PRKCQ: variants seen among roughly 807,000 people sequenced by gnomAD.
The protein encoded by PRKCQ is protein kinase C theta type.
Under a neutral mutation model 91.2 loss-of-function variants are expected in PRKCQ, and 41 were observed. The ratio of observed to expected loss-of-function variants is 0.45; its 90% CI spans 0.35 to 0.58. The LOEUF is 0.58. PRKCQ is among the 20% of genes least tolerant of loss of function. PRKCQ has a pLI of 0.00. For missense variants in PRKCQ, 673 were observed against 896.5 expected, an observed-to-expected ratio of 0.75 and a Z score of 3.18; for synonymous variants, 307 against 316.9, an observed-to-expected ratio of 0.97 and a Z score of 0.33.
At chr10:6,580,382 C>T (rs1284180940), upstream of PRKCQ, 8 of 151,554 alleles carry the variant, frequency 5.3e-5, no homozygotes, top group Admixed American at 1.3e-4. Flanking sequence ...GGGGCGCTCG[C>T]CAGCCTCCCC....
rs776057983 is a variant in PRKCQ, at chr10:6,511,211, A to T, written c.119-17T>A. The T allele has an allele frequency of 6.8e-6, 11 of 1,610,716 alleles. No homozygotes were observed. The African/African-American group carries it at 1.1e-4, about 16-fold the overall frequency. On this transcript the variant is annotated splice_polypyrimidine_tract_variant and intron_variant, in intron 2 of 17. Transcript: ENST00000263125. ...GCCCGTTCTCTAGGAACAGAAACGT[A>T]AGGTCTCATTATTCCTTCAGCCAGG...
chr10:6,541,986 T>C (rs1839791556), intron 1 of PRKCQ, among the ~76,000 whole-genome samples: 1 of 152,224 alleles, frequency 6.6e-6, no homozygotes, highest in African/African-American at 2.4e-5. Context: ...AATTCTGCGC[T>C]ATTTAAGTTT....
At chr10:6,476,444 T>G (rs900485008) in intron 12 of PRKCQ, among the ~76,000 whole-genome samples, 1 of 152,150 alleles carries the variant, frequency 6.6e-6, no homozygotes, top group African/African-American at 2.4e-5. Context: ...TCAGTTATAA[T>G]CCTACCTCCC....
chr10:6,533,385 C>T (rs936398394), intron 1 of PRKCQ, among the ~76,000 whole-genome samples: 16 of 152,080 alleles, frequency 1.1e-4, no homozygotes, highest in Non-Finnish European at 2.1e-4. Flanking sequence ...TTAGTGGAGA[C>T]GGGGTTTCAC....
At chr10:6,437,797 G>A (rs933900645) in intron 16 of PRKCQ, among the ~76,000 whole-genome samples, 10 of 151,420 alleles carry the variant, frequency 6.6e-5, no homozygotes, top group African/African-American at 1.5e-4. Flanking sequence ...GACCACAGGC[G>A]CCCGCCACAA....
At chr10:6,469,310 C>G (rs1564326164) in intron 12 of PRKCQ, among the ~76,000 whole-genome samples, 1 of 152,150 alleles carries the variant, frequency 6.6e-6, no homozygotes, top group African/African-American at 2.4e-5. Context: ...AAATTCTGCA[C>G]CAGTTAATTG....
At position 6,465,585 on chromosome 10, in the gene PRKCQ, A is replaced by G. The variant is rs567376490; in HGVS notation, c.1354-1181T>C. Among the ~76,000 whole-genome samples, 1 of 152,372 alleles carries G rather than the reference A, an allele frequency of 6.6e-6. No homozygotes were observed. Among genetic ancestry groups the G allele is most frequent in the Admixed American group, 6.5e-5 (1 of 15,304 alleles). The stretch of plus-strand genomic sequence containing the variant: ...GTGAGGACCTTCGGTGCGTCTGGGC[A>G]TGAATTTGCATCTGAAAGTCTCACC... On this transcript the variant is annotated intron_variant, in intron 12 of 17. Transcript: ENST00000263125. The surrounding 1 kb of genome is among the most constrained non-coding windows in gnomAD (Gnocchi z 4.4).
At chr10:6,572,761 C>G (rs572342361) in intron 1 of PRKCQ, among the ~76,000 whole-genome samples, 11 of 152,164 alleles carry the variant, frequency 7.2e-5, no homozygotes, top group African/African-American at 2.4e-4. Context: ...AACAGGAGTG[C>G]TGAGTCAAAC....
chr10:6,440,908 A>G (rs1183282490), intron 16 of PRKCQ, among the ~76,000 whole-genome samples: 1 of 152,168 alleles, frequency 6.6e-6, no homozygotes, highest in Non-Finnish European at 1.5e-5. Flanking sequence ...GAATCGCTTT[A>G]ACCTGGGAGG....
At position 6,485,206 on chromosome 10, in the gene PRKCQ, A is replaced by G; in HGVS notation, c.964T>C (p.Cys322Arg). ...REGPVEIGLP[C>R]SIKNEARPPC... is the part of the protein sequence containing the mutation. Reference sequence around the variant, plus strand: ...GGCCTTGCTTCATTTTTGATGGAGCATGGGAGACCAATTTCAACCGGACCT... The same window carrying G: ...GGCCTTGCTTCATTTTTGATGGAGCGTGGGAGACCAATTTCAACCGGACCT... The change falls in exon 10 of 18, where the codon TGC becomes CGC. Residue 322 changes from cysteine (C) to arginine (R), a missense_variant. By Grantham distance (180) the Cys-to-Arg change is radical. Transcript: ENST00000263125. 1.2e-6 allele frequency: 2 copies of G among 1,614,142 alleles called. No individual in the cohort carries two copies. Among genetic ancestry groups the G allele is most frequent in the Non-Finnish European group, 1.7e-6 (2 of 1,180,020 alleles).
the PRKCQ span, among the ~76,000 whole-genome samples, chr10:6,411,798 C>G: frequency 6.6e-6 from 1 of 152,094 alleles, no homozygotes; most frequent in African/African-American, 2.4e-5. Context: ...CACCTGAGGG[C>G]CACATCTTAT....
intron 1 of PRKCQ, among the ~76,000 whole-genome samples, chr10:6,547,953 A>G (rs1350326816): frequency 2.0e-5 from 3 of 149,956 alleles, no homozygotes; most frequent in Middle Eastern, 3.5e-3. Context: ...GCAACCTACA[A>G]AATGGGAGAA....
the PRKCQ span, among the ~76,000 whole-genome samples, chr10:6,413,102 G>A: frequency 3.9e-5 from 6 of 151,958 alleles, no homozygotes; most frequent in East Asian, 7.7e-4. Flanking sequence ...ACAGGCACCC[G>A]CCACCACGCC....
intron 14 of PRKCQ, among the ~76,000 whole-genome samples, chr10:6,458,856 A>G (rs1835171034): frequency 1.3e-5 from 2 of 152,218 alleles, no homozygotes; most frequent in Admixed American, 6.5e-5. Context: ...ATACTCTAAG[A>G]TTGGAAGTTC....
At chr10:6,483,700 C>G (rs1836742130) in intron 10 of PRKCQ, 100 bp from the exon 11 acceptor site, 15 of 1,391,488 alleles carry the variant, frequency 1.1e-5, no homozygotes, top group Non-Finnish European at 1.5e-5. Context: ...CATGCTGAGG[C>G]TCCATCATAG....
intron 12 of PRKCQ, among the ~76,000 whole-genome samples, chr10:6,471,994 C>A (rs983390978): frequency 6.6e-6 from 1 of 152,112 alleles, no homozygotes; most frequent in Non-Finnish European, 1.5e-5. Flanking sequence ...AAGATGAGAA[C>A]AGATCTGTGA....
At chr10:6,482,068 C>T (rs545369877) in intron 11 of PRKCQ, among the ~76,000 whole-genome samples, 1 of 151,774 alleles carries the variant, frequency 6.6e-6, no homozygotes, top group South Asian at 2.1e-4. Flanking sequence ...TGGAGACAAC[C>T]CCCCACCTGC....
At chr10:6,545,472 T>A (rs1197905257) in intron 1 of PRKCQ, among the ~76,000 whole-genome samples, 1 of 152,112 alleles carries the variant, frequency 6.6e-6, no homozygotes, top group East Asian at 1.9e-4. Flanking sequence ...TTATGCTCGG[T>A]GAAAGAAGCC....
chr10:6,407,193 G>A, the PRKCQ span, among the ~76,000 whole-genome samples: 2 of 152,108 alleles, frequency 1.3e-5, no homozygotes, highest in Non-Finnish European at 2.9e-5. This position sits in a 1 kb window ranked among gnomAD's most constrained non-coding sequence, Gnocchi z 4.0. Flanking sequence ...AGACAGAGAA[G>A]ATGCAATCCC....
Sources: allele counts gnomAD v4.1 joint callset (sites outside exome capture counted in the v4.1 genomes callset), GRCh38; gene constraint gnomAD v4.1.1; non-coding constraint Gnocchi (gnomAD v3.1); transcripts MANE v1.5; gene names NCBI Gene and HGNC (gene_info 2026-07-23, HGNC 2026-07-21).